The following R3HDML variants were observed in gnomAD, a reference collection of about 807,000 sequenced individuals.
R3HDML encodes the protein peptidase inhibitor R3HDML.
Under a neutral mutation model 24.2 loss-of-function variants are expected in R3HDML, and 21 were observed. The observed-to-expected ratio is 0.87, with a 90% CI of 0.62 to 1.25. R3HDML has a LOEUF of 1.25. Among genes scored for constraint, R3HDML ranks in the 50% most tolerant of loss-of-function variants. R3HDML has a pLI of 0.00. For synonymous variants in R3HDML, 133 were observed against 131.5 expected (o/e 1.01, Z -0.08); for missense variants, 301 against 340.3 (o/e 0.88, Z 0.91).
rs200930974 is a variant in R3HDML, at chr20:44,351,085, C to A, written c.*293C>A. ...AGAACCAAGGCTGGAAGGCATAGAA[C>A]TGGCACCTTGGGACCAGGCATAATG... is the stretch of plus-strand genomic sequence containing the variant. On this transcript the variant is annotated 3_prime_UTR_variant, in exon 5 of 5. Coordinates refer to ENST00000217043, the MANE Select transcript of R3HDML (RefSeq NM_178491.4). 15 of 323,904 alleles carry A rather than the reference C, an allele frequency of 4.6e-5. No individual in the cohort carries two copies. In the South Asian group the frequency reaches 5.6e-4, roughly 12 times the overall value. 20.1% of individuals were successfully genotyped at this position (323,904 alleles called of 1,614,324 possible). A position where few individuals can be genotyped will look rare whatever the true frequency, so the allele number is the denominator to read the frequency against.
In R3HDML at chr20:44,337,403, C is replaced by A. The variant is rs776691708; in HGVS notation, c.246C>A (p.Ala82=). 6.2e-7 allele frequency: 1 copy of A among 1,613,368 alleles called. No individual in the cohort carries two copies. The highest frequency in any genetic ancestry group is 1.1e-5 in the South Asian group (1 of 91,060). The change falls in exon 1 of 5, where the codon GCC becomes GCA. Residue 82 remains alanine (A), a synonymous_variant. Coordinates refer to ENST00000217043, the MANE Select transcript of R3HDML (RefSeq NM_178491.4). The surrounding 1 kb of genome is among the most constrained non-coding windows in gnomAD (Gnocchi z 4.7). ...HIRASVYPPA[A]NMEYMVWDKR... ...GGGCCAGTGTGTACCCACCTGCCGC[C>A]AACATGGAATACATGGTGAGTCCCC...
rs113061492 is a variant in R3HDML at position 44,337,149 on chromosome 20, C to T, written c.-9C>T. On this transcript the variant is annotated 5_prime_UTR_variant, in exon 1 of 5. Coordinates refer to ENST00000217043, the MANE Select transcript of R3HDML (RefSeq NM_178491.4). This position sits in a 1 kb window ranked among gnomAD's most constrained non-coding sequence, Gnocchi z 4.7. ...GCACAAGGCAGACCTGTGACTCCTC[C>T]ATCCAGCTATGCCCCTGCTGCCCAG... The T allele has an allele frequency of 1.6e-3, 2,538 of 1,609,156 alleles. 44 individuals carry two copies. The African/African-American group carries it at 0.03, about 19-fold the overall frequency.
intron 3 of R3HDML, chr20:44,344,816 C>CAA (rs796903280): frequency 6.8e-6 from 1 of 146,610 alleles, no homozygotes. Context: ...TAGTGACTGT[C>CAA]AAAAAAAAAA....
Position 44,337,517 on chromosome 20 carries a change from A to AC in R3HDML, c.261+101dup, listed in dbSNP as rs1364320829. The AC allele has an allele frequency of 1.9e-5, 25 of 1,347,394 alleles. No homozygotes were observed. In the Admixed American group the frequency reaches 4.4e-4, roughly 24 times the overall value. The allele number at this position is 1,347,394 out of a possible 1,614,324, so 83.5% of individuals were successfully genotyped here. A position where few individuals can be genotyped will look rare whatever the true frequency, so the allele number is the denominator to read the frequency against. On this transcript the variant is annotated intron_variant, in intron 1 of 4. Transcript: ENST00000217043. The surrounding 1 kb of genome is among the most constrained non-coding windows in gnomAD (Gnocchi z 4.7). ...AGAATGACTGGCTTTGAAGAGCTGG[A>AC]CCACTTGCCTGCCTGGCCCCACTAG...
intron 4 of R3HDML, chr20:44,347,828 A>G (rs1260163561): frequency 1.1e-4 from 16 of 152,212 alleles, no homozygotes; most frequent in Admixed American, 1.0e-3. Flanking sequence ...CCTGAAACAA[A>G]TTCTCAAAAC....
At chr20:44,347,587 T>C (rs2062791381) in intron 4 of R3HDML, 1 of 152,152 alleles carries the variant, frequency 6.6e-6, no homozygotes, top group East Asian at 1.9e-4. Context: ...ATTTACAAAC[T>C]ACTTTCACAC....
chr20:44,339,554 A>G (rs2062766434), intron 1 of R3HDML, among the ~76,000 whole-genome samples: 1 of 150,130 alleles, frequency 6.7e-6, no homozygotes, highest in South Asian at 2.1e-4. Context: ...TGCAGAATAG[A>G]ATATGCTGCC....
intron 1 of R3HDML, among the ~76,000 whole-genome samples, chr20:44,338,602 G>A (rs2062764042): frequency 6.6e-6 from 1 of 152,154 alleles, no homozygotes; most frequent in Non-Finnish European, 1.5e-5. Flanking sequence ...TGCGTGTGTG[G>A]CACCTGCCCC....
chr20:44,347,869 C>G (rs1416696404), intron 4 of R3HDML: 6 of 151,438 alleles, frequency 4.0e-5, no homozygotes, highest in Admixed American at 6.6e-5. Context: ...GAAATGGCAT[C>G]TATTGACAAT....
At chr20:44,346,304 G>T (rs531627358) in intron 4 of R3HDML, among the ~76,000 whole-genome samples, 2 of 151,760 alleles carry the variant, frequency 1.3e-5, no homozygotes, top group African/African-American at 4.8e-5. Flanking sequence ...TGTAGAGACG[G>T]TGTCTCACTA....
At chr20:44,346,887 A>G (rs1490838313) in intron 4 of R3HDML, among the ~76,000 whole-genome samples, 1 of 152,246 alleles carries the variant, frequency 6.6e-6, no homozygotes, top group East Asian at 1.9e-4. Context: ...TACACCTGCA[A>G]TCCCAGCACT....
intron 4 of R3HDML, among the ~76,000 whole-genome samples, chr20:44,348,318 T>C (rs1468489587): frequency 6.6e-6 from 1 of 152,196 alleles, no homozygotes; most frequent in Non-Finnish European, 1.5e-5. Flanking sequence ...ACTATTGTTA[T>C]TACCAGGCCT....
intron 4 of R3HDML, among the ~76,000 whole-genome samples, chr20:44,350,251 T>C (rs2062805437): frequency 6.6e-6 from 1 of 151,812 alleles, no homozygotes; most frequent in South Asian, 2.1e-4. Flanking sequence ...CAGTGGCTCA[T>C]GACTGTAATC....
At chr20:44,341,463 T>C in intron 2 of R3HDML, 149 bp downstream of exon 2, 1 of 626,536 alleles carries the variant, frequency 1.6e-6, no homozygotes, top group Non-Finnish European at 2.7e-6. Flanking sequence ...GCATTCTAGT[T>C]AGAAGGGGCA....
rs945288830 is a variant in R3HDML, at chr20:44,341,049, C to G, written c.262-147C>G. 13 of 642,176 alleles carry G rather than the reference C, an allele frequency of 2.0e-5. No homozygotes were observed. In the African/African-American group the frequency reaches 2.4e-4, roughly 12 times the overall value. The allele number at this position is 642,176 out of a possible 1,614,324, so 39.8% of individuals were successfully genotyped here. Reference sequence around the variant, plus strand: ...CCTTCAAGTCATCAGCGAGCTGAGCCTCAGTCTTCTACTTTGTCACGTGGG... The same window carrying G: ...CCTTCAAGTCATCAGCGAGCTGAGCGTCAGTCTTCTACTTTGTCACGTGGG... On this transcript the variant is annotated intron_variant, in intron 1 of 4. Coordinates refer to ENST00000217043, the MANE Select transcript of R3HDML (RefSeq NM_178491.4).
chr20:44,337,445 C>T lies in R3HDML; in HGVS notation c.261+27C>T. The T allele has an allele frequency of 1.3e-6, 2 of 1,598,168 alleles. No homozygotes were observed. Among genetic ancestry groups the T allele is most frequent in the Non-Finnish European group, 1.7e-6 (2 of 1,168,054 alleles). The stretch of plus-strand genomic sequence containing the variant: ...TGAGTCCCCGTACCTGCCCCCCACC[C>T]CCCGCAGTGTCCCTTCCGGCAAACG... On this transcript the variant is annotated intron_variant, in intron 1 of 4. Coordinates refer to ENST00000217043, the MANE Select transcript of R3HDML (RefSeq NM_178491.4). This position sits in a 1 kb window ranked among gnomAD's most constrained non-coding sequence, Gnocchi z 4.7.
At position 44,341,218 on chromosome 20, in the gene R3HDML, G is replaced by C; in HGVS notation, c.284G>C (p.Arg95Thr). 1 of 1,613,754 alleles carries C rather than the reference G, an allele frequency of 6.2e-7. No individual in the cohort carries two copies. The highest frequency in any genetic ancestry group is 8.5e-7 in the Non-Finnish European group (1 of 1,179,736). The change falls in exon 2 of 5, where the codon AGG becomes ACG. Residue 95 changes from arginine (R) to threonine (T), a missense_variant. Coordinates refer to ENST00000217043, the MANE Select transcript of R3HDML (RefSeq NM_178491.4). The stretch of plus-strand genomic sequence containing the variant: ...CAGGTCTGGGACAAGCGGCTGGCCA[G>C]GGCTGCCGAAGCCTGGGCCACCCAG... The part of the protein sequence containing the change: ...EYMVWDKRLA[R>T]AAEAWATQCI...
In R3HDML at chr20:44,337,385, T is replaced by C. The variant is rs1884612; in HGVS notation, c.228T>C (p.Ser76=). 0.28 allele frequency: 455,128 copies of C among 1,613,692 alleles called. 65,901 individuals are homozygous for C. Among genetic ancestry groups the C allele is most frequent in the Middle Eastern group, 0.43 (2,577 of 6,062 alleles). The part of the protein sequence containing the change: ...LLDYHNHIRA[S]VYPPAANMEY... The stretch of plus-strand genomic sequence containing the variant: ...ATTATCACAACCACATCCGGGCCAG[T>C]GTGTACCCACCTGCCGCCAACATGG... Residue 76 remains serine, a synonymous_variant, in exon 1 of 5, where the codon AGT becomes AGC. Transcript: ENST00000217043. The surrounding 1 kb of genome is among the most constrained non-coding windows in gnomAD (Gnocchi z 4.7).
Position 44,337,518 on chromosome 20 carries a change from C to T in R3HDML, c.261+100C>T, listed in dbSNP as rs1186817214. The T allele has an allele frequency of 7.5e-7, 1 of 1,337,496 alleles. No individual in the cohort carries two copies. Among genetic ancestry groups the T allele is most frequent in the African/African-American group, 1.4e-5 (1 of 69,152 alleles). 82.9% of individuals were successfully genotyped at this position (1,337,496 alleles called of 1,614,324 possible). ...GAATGACTGGCTTTGAAGAGCTGGA[C>T]CACTTGCCTGCCTGGCCCCACTAGC... is the stretch of plus-strand genomic sequence containing the variant. On this transcript the variant is annotated intron_variant, in intron 1 of 4. Coordinates refer to ENST00000217043, the MANE Select transcript of R3HDML (RefSeq NM_178491.4). The surrounding 1 kb of genome is among the most constrained non-coding windows in gnomAD (Gnocchi z 4.7).
Sources: allele counts gnomAD v4.1 joint callset (sites outside exome capture counted in the v4.1 genomes callset), GRCh38; gene constraint gnomAD v4.1.1; non-coding constraint Gnocchi (gnomAD v3.1); transcripts MANE v1.5; gene names NCBI Gene and HGNC (gene_info 2026-07-23, HGNC 2026-07-21).